The following SNX25 variants were observed in gnomAD, a reference collection of about 807,000 sequenced individuals.
The protein encoded by SNX25 is sorting nexin-25.
SNX25 carries 62 observed loss-of-function variants against 113.7 expected under a neutral mutation model. The ratio of observed to expected loss-of-function variants is 0.55; its 90% confidence interval spans 0.44 to 0.67. The LOEUF (loss-of-function observed/expected upper bound fraction) is 0.67. SNX25 is among the 30% of genes least tolerant of loss of function. SNX25 has a pLI of 0.00. For synonymous variants in SNX25, 421 were observed against 436.2 expected (o/e 0.97, Z 0.43); for missense variants, 1,014 against 1,161.0 (o/e 0.87, Z 1.84).
intron 1 of SNX25, among the ~76,000 whole-genome samples, chr4:185,229,727 T>C (rs1161756591): frequency 6.6e-6 from 1 of 152,040 alleles, no homozygotes; most frequent in Non-Finnish European, 1.5e-5. Flanking sequence ...TTTAGAGGAG[T>C]AGGTTTTAAC....
the SNX25 span, among the ~76,000 whole-genome samples, chr4:185,375,257 G>C: frequency 6.7e-6 from 1 of 148,910 alleles, no homozygotes; most frequent in Non-Finnish European, 1.5e-5. Flanking sequence ...TGTATTTTTA[G>C]TAGAGCCTGG....
chr4:185,231,876 A>G (rs948968110), intron 1 of SNX25, among the ~76,000 whole-genome samples: 1 of 152,162 alleles, frequency 6.6e-6, no homozygotes, highest in African/African-American at 2.4e-5. Flanking sequence ...CTTTGAGTAG[A>G]TTTAATTGCA....
chr4:185,229,892 A>G (rs1027989868), intron 1 of SNX25, among the ~76,000 whole-genome samples: 10 of 152,238 alleles, frequency 6.6e-5, no homozygotes, highest in African/African-American at 2.4e-4. Flanking sequence ...GCAGTGATGC[A>G]ATCATGGCTC....
chr4:185,347,524 G>T (rs1284720414), intron 13 of SNX25, among the ~76,000 whole-genome samples: 1 of 152,058 alleles, frequency 6.6e-6, no homozygotes, highest in Non-Finnish European at 1.5e-5. Context: ...AGGCTGGAGT[G>T]CAATGGCGCG....
intron 1 of SNX25, among the ~76,000 whole-genome samples, chr4:185,215,922 G>A (rs373744605): frequency 6.6e-6 from 1 of 151,166 alleles, no homozygotes; most frequent in Admixed American, 6.6e-5. Context: ...TCACCCTCCC[G>A]AGTAGCTGGG....
At chr4:185,320,099 C>T (rs2095107995) in intron 7 of SNX25, among the ~76,000 whole-genome samples, 1 of 152,102 alleles carries the variant, frequency 6.6e-6, no homozygotes, top group South Asian at 2.1e-4. Context: ...CCAGAAACAC[C>T]ATTTGACTCA....
the SNX25 span, chr4:185,377,995 C>T: frequency 4.6e-6 from 5 of 1,091,546 alleles, no homozygotes; most frequent in Admixed American, 4.5e-5. Context: ...CAATAAAACA[C>T]ATTATTTCTT....
At chr4:185,205,409 G>A (rs1186798558), upstream of SNX25, among the ~76,000 whole-genome samples, 1 of 151,418 alleles carries the variant, frequency 6.6e-6, no homozygotes, top group Admixed American at 6.6e-5. Flanking sequence ...AGCCGAGATC[G>A]TGCCACTGCA....
At chr4:185,264,755 G>A (rs1747809936) in intron 4 of SNX25, 145 bp downstream of exon 4, 9 of 843,994 alleles carry the variant, frequency 1.1e-5, no homozygotes, top group Non-Finnish European at 1.6e-5. Flanking sequence ...TGGCCATTCA[G>A]GATAAACTTA....
At chr4:185,315,559 G>C (rs1473864954) in intron 7 of SNX25, among the ~76,000 whole-genome samples, 1 of 152,106 alleles carries the variant, frequency 6.6e-6, no homozygotes, top group Non-Finnish European at 1.5e-5. Context: ...CTCCCAAAGT[G>C]CTGGGATTAC....
intron 12 of SNX25, among the ~76,000 whole-genome samples, chr4:185,343,933 C>T (rs555817360): frequency 3.3e-5 from 5 of 151,762 alleles, no homozygotes; most frequent in Non-Finnish European, 7.4e-5. Context: ...AACTTTCCAC[C>T]CTCAGCCAGG....
intron 1 of SNX25, among the ~76,000 whole-genome samples, chr4:185,239,774 C>CTT (rs564649102): frequency 6.3e-5 from 7 of 110,744 alleles, no homozygotes; most frequent in African/African-American, 2.6e-4. Context: ...TTTTTTTTTT[C>CTT]TTTTTTTTTT....
rs1741959005 is a variant in SNX25, at chr4:185,232,036, A to C, written c.430-15258A>C. The stretch of plus-strand genomic sequence containing the variant: ...TGGAAGTCGAGGTCCCAGTAAATCA[A>C]ATTACCAATGTAATTTTTTTCTAAG... On this transcript the variant is annotated intron_variant, in intron 1 of 18. Coordinates refer to ENST00000652585, the MANE Select transcript of SNX25 (RefSeq NM_001378034.2). The surrounding 1 kb of genome is among the most constrained non-coding windows in gnomAD (Gnocchi z 4.4). 1.3e-5 allele frequency among the ~76,000 whole-genome samples: 2 copies of C among 152,202 alleles called. No individual in the cohort carries two copies. Among genetic ancestry groups the C allele is most frequent in the African/African-American group, 4.8e-5 (2 of 41,454 alleles).
intron 6 of SNX25, among the ~76,000 whole-genome samples, chr4:185,291,721 C>T (rs184194394): frequency 6.6e-5 from 10 of 152,260 alleles, no homozygotes; most frequent in African/African-American, 2.4e-4. Context: ...TCAGTTGTCA[C>T]GTGATATTCT....
At chr4:185,360,135 T>C (rs2126757760) in intron 16 of SNX25, among the ~76,000 whole-genome samples, 1 of 152,346 alleles carries the variant, frequency 6.6e-6, no homozygotes, top group East Asian at 1.9e-4. Context: ...TGATGACCTT[T>C]ATTAAGAGTC....
the SNX25 span, chr4:185,375,870 G>A: frequency 2.1e-6 from 1 of 484,896 alleles, no homozygotes; most frequent in South Asian, 3.0e-5. Flanking sequence ...GCCCCACGCT[G>A]AGGAAGCATG....
intron 1 of SNX25, among the ~76,000 whole-genome samples, chr4:185,212,685 A>T (rs78065240): frequency 0.02 from 3,046 of 152,112 alleles, 60 homozygotes; most frequent in Middle Eastern, 0.078. Flanking sequence ...TGAATGGAAG[A>T]GTGGGAAGCA....
intron 6 of SNX25, among the ~76,000 whole-genome samples, chr4:185,307,265 A>G (rs1754590971): frequency 6.6e-6 from 1 of 152,206 alleles, no homozygotes; most frequent in Non-Finnish European, 1.5e-5. Flanking sequence ...TGTGCAAACC[A>G]TTACTTAGAC....
intron 16 of SNX25, among the ~76,000 whole-genome samples, chr4:185,361,138 G>A (rs1404635292): frequency 6.6e-6 from 1 of 152,116 alleles, no homozygotes; most frequent in African/African-American, 2.4e-5. Context: ...GGCATATGAA[G>A]TGCTTCATCT....
Sources: allele counts gnomAD v4.1 joint callset (sites outside exome capture counted in the v4.1 genomes callset), GRCh38; gene constraint gnomAD v4.1.1; non-coding constraint Gnocchi (gnomAD v3.1); transcripts MANE v1.5; gene names NCBI Gene and HGNC (gene_info 2026-07-23, HGNC 2026-07-21).